RAP1GAP2: variants seen among roughly 807,000 people sequenced by gnomAD.
RAP1GAP2 encodes the protein RAP1 GTPase activating protein 2, also known as rap1 GTPase-activating protein 2.
A neutral mutation model predicts 95.0 loss-of-function variants in RAP1GAP2; 27 were observed. The ratio of observed to expected loss-of-function variants is 0.28; its 90% CI spans 0.21 to 0.39. The LOEUF (loss-of-function observed/expected upper bound fraction) is 0.39, where lower values mean the gene tolerates loss of function less well. Among genes scored for constraint, RAP1GAP2 ranks in the 10% least tolerant of loss-of-function variants. The probability of loss-of-function intolerance (pLI) is 1.00; values close to 1 mark genes in which losing one functional copy is unlikely to be tolerated. For missense variants in RAP1GAP2, 771 were observed against 970.0 expected (o/e 0.79, Z 2.72); for synonymous variants, 373 against 380.9 (o/e 0.98, Z 0.24).
intron 14 of RAP1GAP2, among the ~76,000 whole-genome samples, 165 bp downstream of exon 14, chr17:2,998,541 G>A (rs1180222029): frequency 6.6e-6 from 1 of 152,106 alleles, no homozygotes; most frequent in African/African-American, 2.4e-5. Context: ...ACCTTCCAAG[G>A]CCACCTGATC....
At chr17:2,886,487 T>A (rs1285567429) in intron 2 of RAP1GAP2, among the ~76,000 whole-genome samples, 1 of 152,130 alleles carries the variant, frequency 6.6e-6, no homozygotes, top group African/African-American at 2.4e-5. Context: ...GTATTTATAT[T>A]TACAATAAAA....
chr17:2,963,395 G>A lies in RAP1GAP2; in HGVS notation c.247-35G>A, dbSNP rs371306331. 4.3e-6 allele frequency: 7 copies of A among 1,613,368 alleles called. No individual in the cohort carries two copies. In the African/African-American group the frequency reaches 8.0e-5, roughly 18 times the overall value. On this transcript the variant is annotated intron_variant, in intron 5 of 24. Coordinates refer to ENST00000254695, the MANE Select transcript of RAP1GAP2 (RefSeq NM_015085.5). This position sits in a 1 kb window ranked among gnomAD's most constrained non-coding sequence, Gnocchi z 4.8. ...TGGTCAGACTTTACGGGCACTGCCGGGACTAACGGTGGCATCATCTGGTTT... is the reference window on the plus strand; with the variant it reads ...TGGTCAGACTTTACGGGCACTGCCGAGACTAACGGTGGCATCATCTGGTTT...
chr17:2,912,269 A>C (rs758500734), intron 3 of RAP1GAP2, among the ~76,000 whole-genome samples: 1 of 151,856 alleles, frequency 6.6e-6, no homozygotes, highest in East Asian at 1.9e-4. Flanking sequence ...TGGATTACCC[A>C]CCGGCCACCC....
chr17:2,862,691 T>C (rs548238301), intron 2 of RAP1GAP2, among the ~76,000 whole-genome samples: 2 of 152,258 alleles, frequency 1.3e-5, no homozygotes, highest in Admixed American at 6.5e-5. Context: ...ATGATAGTTA[T>C]ATAACGTTAG....
rs560632421 is a variant in RAP1GAP2, at chr17:3,029,451, G to A, written c.2108-1471G>A. On this transcript the variant is annotated intron_variant, in intron 22 of 24. Coordinates refer to ENST00000254695, the MANE Select transcript of RAP1GAP2 (RefSeq NM_015085.5). This position sits in a 1 kb window ranked among gnomAD's most constrained non-coding sequence, Gnocchi z 4.4. ...CCACTGGATCAGGGTGGGCTTGGGG[G>A]GATCTGGGAACCGGTTTCATGCTGT... 4.6e-5 allele frequency among the ~76,000 whole-genome samples: 7 copies of A among 152,276 alleles called. No individual in the cohort carries two copies. Among genetic ancestry groups the A allele is most frequent in the Non-Finnish European group, 1.0e-4 (7 of 68,026 alleles).
chr17:2,771,663 T>C (rs2068401569), intron 2 of RAP1GAP2, among the ~76,000 whole-genome samples: 1 of 152,078 alleles, frequency 6.6e-6, no homozygotes, highest in East Asian at 2.0e-4. Context: ...CTAATTTTTG[T>C]ATTTTTAGTA....
rs1471272367 is a variant in RAP1GAP2, at chr17:2,800,523, A to G, written c.53A>G (p.Lys18Arg). The part of the protein sequence containing the change: ...VSFGGFGWID[K>R]TMLASLKVKK... ...TGCTTTTCTCTTGGCAGGATCGACAAGACCATGCTGGCAAGTCTGAAGGTC... is the reference window on the plus strand; with the variant it reads ...TGCTTTTCTCTTGGCAGGATCGACAGGACCATGCTGGCAAGTCTGAAGGTC... Residue 18 changes from lysine to arginine, a missense_variant, in exon 2 of 25, where the codon AAG becomes AGG. Transcript: ENST00000254695. 1 of 1,613,022 alleles carries G rather than the reference A, an allele frequency of 6.2e-7. No individual in the cohort carries two copies. Among genetic ancestry groups the G allele is most frequent in the South Asian group, 1.1e-5 (1 of 90,788 alleles).
At chr17:2,954,745 C>T (rs780255740) in intron 3 of RAP1GAP2, among the ~76,000 whole-genome samples, 26 of 151,940 alleles carry the variant, frequency 1.7e-4, no homozygotes, top group East Asian at 1.9e-4. Flanking sequence ...AGGTACCCGC[C>T]GCCAAGCCCA....
chr17:2,800,290 G>C (rs999112385), intron 1 of RAP1GAP2: 1 of 908,490 alleles, frequency 1.1e-6, no homozygotes, highest in Non-Finnish European at 1.3e-6. Context: ...CTCTGAAATG[G>C]GGAGAATAAT....
intron 18 of RAP1GAP2, among the ~76,000 whole-genome samples, chr17:3,019,745 G>A (rs2046891641): frequency 6.6e-6 from 1 of 152,224 alleles, no homozygotes; most frequent in Admixed American, 6.5e-5. Flanking sequence ...TGTGGATGAG[G>A]AGACTCAGGT....
chr17:2,767,061 C>T (rs553930261), intron 1 of RAP1GAP2, among the ~76,000 whole-genome samples: 3 of 151,756 alleles, frequency 2.0e-5, no homozygotes, highest in African/African-American at 4.8e-5. Context: ...TCTTCTCCCT[C>T]GTTAAAGATT....
rs749733621 is a variant in RAP1GAP2 at position 2,962,657 on chromosome 17, C to T, written c.202-13C>T. The T allele has an allele frequency of 3.2e-6, 5 of 1,579,714 alleles. No individual in the cohort carries two copies. The highest frequency in any genetic ancestry group is 4.3e-6 in the Non-Finnish European group (5 of 1,163,788). On this transcript the variant is annotated splice_polypyrimidine_tract_variant and intron_variant, in intron 4 of 24. Coordinates refer to ENST00000254695, the MANE Select transcript of RAP1GAP2 (RefSeq NM_015085.5). Reference sequence around the variant, plus strand: ...TTGCTTTTCTGTGGATCCTGTTTTCCTTGTTTCTATAGGGGATCAAGCTTG... The same window carrying T: ...TTGCTTTTCTGTGGATCCTGTTTTCTTTGTTTCTATAGGGGATCAAGCTTG...
intron 1 of RAP1GAP2, among the ~76,000 whole-genome samples, chr17:2,761,813 G>T (rs1444596640): frequency 6.6e-6 from 1 of 151,918 alleles, no homozygotes; most frequent in African/African-American, 2.4e-5. Context: ...GTGTACGAAG[G>T]TTCCGGTTTT....
At chr17:2,921,066 G>A (rs915807828) in intron 3 of RAP1GAP2, among the ~76,000 whole-genome samples, 44 of 152,148 alleles carry the variant, frequency 2.9e-4, no homozygotes, top group Admixed American at 1.4e-3. Flanking sequence ...GAGCCCCCCC[G>A]GCAGACTCTG....
intron 2 of RAP1GAP2, among the ~76,000 whole-genome samples, chr17:2,850,592 C>G (rs2071796903): frequency 6.7e-6 from 1 of 148,282 alleles, no homozygotes; most frequent in South Asian, 2.2e-4. Flanking sequence ...ACTAAAAATA[C>G]AAAAAAAACT....
chr17:3,010,527 C>T (rs983668465), intron 17 of RAP1GAP2, among the ~76,000 whole-genome samples: 8 of 152,244 alleles, frequency 5.3e-5, no homozygotes, highest in South Asian at 2.1e-4. Flanking sequence ...GCTGTGGACA[C>T]TCTGCCCATG....
chr17:2,814,467 C>T (rs1051320805), intron 2 of RAP1GAP2, among the ~76,000 whole-genome samples: 11 of 152,164 alleles, frequency 7.2e-5, no homozygotes, highest in South Asian at 2.1e-4. Context: ...GCTTCCTCCA[C>T]GCACAGCCCC....
chr17:3,015,545 G>A (rs556011746), intron 17 of RAP1GAP2, among the ~76,000 whole-genome samples: 5 of 152,256 alleles, frequency 3.3e-5, no homozygotes, highest in African/African-American at 4.8e-5. Flanking sequence ...AAGGCTGGGC[G>A]TGGTGGCTCA....
chr17:2,990,957 C>G (rs2045731220), intron 11 of RAP1GAP2, among the ~76,000 whole-genome samples: 1 of 151,392 alleles, frequency 6.6e-6, no homozygotes, highest in African/African-American at 2.4e-5. Context: ...CGATTCTCCT[C>G]TCTCAGTCTC....
Sources: gnomAD v4.1 joint callset for allele counts (sites outside exome capture counted in the v4.1 genomes callset) on GRCh38, gnomAD v4.1.1 for gene constraint, Gnocchi (gnomAD v3.1) non-coding constraint, MANE v1.5 for transcripts, NCBI Gene and HGNC (gene_info 2026-07-23, HGNC 2026-07-21) for gene names.